The following OR2A2 variants were observed in gnomAD, a reference collection of about 807,000 sequenced individuals.
The protein encoded by OR2A2 is olfactory receptor 2A2.
For missense variants in OR2A2, 380 were observed against 384.8 expected (o/e 0.99, Z 0.10); for synonymous variants, 163 against 154.8 (o/e 1.05, Z -0.40).
rs1473150114 is a variant in OR2A2, at chr7:144,109,991, T to G, written c.409T>G (p.Trp137Gly). Residue 137 changes from tryptophan (W) to glycine (G), a missense_variant, in exon 1 of 1, where the codon TGG becomes GGG. By Grantham distance (184) the Trp-to-Gly change is radical (BLOSUM62 -2). Coordinates refer to ENST00000408979, the MANE Select transcript of OR2A2 (RefSeq NM_001005480.2). ...TTTCCAGTACACTGTCATCATGAGCTGGAGAGTGTGCACGATCCTGGTTCT... is the reference window on the plus strand; with the variant it reads ...TTTCCAGTACACTGTCATCATGAGCGGGAGAGTGTGCACGATCCTGGTTCT... ...HPFQYTVIMS[W>G]RVCTILVLTS... The G allele has an allele frequency of 6.2e-7, 1 of 1,613,952 alleles. No individual in the cohort carries two copies. Among genetic ancestry groups the G allele is most frequent in the African/African-American group, 1.3e-5 (1 of 74,926 alleles).
chr7:144,109,750 A>G lies in OR2A2; in HGVS notation c.168A>G (p.Thr56=). 1 of 1,613,932 alleles carries G rather than the reference A, an allele frequency of 6.2e-7. No homozygotes were observed. Among genetic ancestry groups the G allele is most frequent in the Non-Finnish European group, 8.5e-7 (1 of 1,179,928 alleles). The change falls in exon 1 of 1, where the codon ACA becomes ACG. Residue 56 remains threonine, a synonymous_variant. Transcript: ENST00000408979. ...GIICLDSKLH[T]PMYFFLSHLA... ...TCTGCCTGGACTCTAAGCTTCACAC[A>G]CCCATGTACTTCTTCCTCTCACACC...
In OR2A2 at chr7:144,110,182, T is replaced by C. The variant is rs1301140794; in HGVS notation, c.600T>C (p.Ala200=). 3 of 1,613,944 alleles carry C rather than the reference T, an allele frequency of 1.9e-6. No individual in the cohort carries two copies. The highest frequency in any genetic ancestry group is 2.5e-6 in the Non-Finnish European group (3 of 1,179,798). Residue 200 remains alanine, a synonymous_variant, in exon 1 of 1, where the codon GCT becomes GCC. Coordinates refer to ENST00000408979, the MANE Select transcript of OR2A2 (RefSeq NM_001005480.2). ...DTWVNQVVIF[A]TCVFVLVGPL... ...GGGTTAACCAAGTGGTCATATTTGC[T>C]ACCTGTGTGTTTGTCTTAGTCGGGC... is the stretch of plus-strand genomic sequence containing the variant.
Position 144,109,967 on chromosome 7 carries a change from T to C in OR2A2, c.385T>C (p.Phe129Leu), listed in dbSNP as rs184278314. 187 of 1,614,038 alleles carry C rather than the reference T, an allele frequency of 1.2e-4. No individual in the cohort carries two copies. The African/African-American group carries it at 2.3e-3, about 20-fold the overall frequency. Residue 129 changes from phenylalanine to leucine, a missense_variant, in exon 1 of 1, where the codon TTC becomes CTC. Phe to Leu is a conservative substitution (Grantham distance 22). Transcript: ENST00000408979. ...TAGGTATGTGGCCATCTGCCACCCTTTCCAGTACACTGTCATCATGAGCTG... is the reference window on the plus strand; with the variant it reads ...TAGGTATGTGGCCATCTGCCACCCTCTCCAGTACACTGTCATCATGAGCTG... ...YDRYVAICHP[F>L]QYTVIMSWRV...
In OR2A2 at chr7:144,110,092, C is replaced by T. The variant is rs2051357463; in HGVS notation, c.510C>T (p.Pro170=). 1.2e-6 allele frequency: 2 copies of T among 1,613,932 alleles called. No homozygotes were observed. The highest frequency in any genetic ancestry group is 8.5e-7 in the Non-Finnish European group (1 of 1,179,868). Residue 170 remains proline (P), a synonymous_variant, in exon 1 of 1, where the codon CCC becomes CCT. Transcript: ENST00000408979. ...TTCTAAGGTTGCCCTTCTGTGGGCC[C>T]CGGGATGTGAACCACCTCTTCTGTG... The part of the protein sequence containing the change: ...ILLLRLPFCG[P]RDVNHLFCEI...
rs2051352256 is a variant in OR2A2 at position 144,109,708 on chromosome 7, G to A, written c.126G>A (p.Gly42=). The A allele has an allele frequency of 1.2e-6, 2 of 1,613,786 alleles. No homozygotes were observed. The highest frequency in any genetic ancestry group is 3.3e-5 in the Admixed American group (2 of 59,976). ...VFYTLTLLGN[G]VIFGIICLDS... ...ATACACTCACCCTGCTGGGGAATGGGGTCATCTTTGGGATTATCTGCCTGG... is the reference window on the plus strand; with the variant it reads ...ATACACTCACCCTGCTGGGGAATGGAGTCATCTTTGGGATTATCTGCCTGG... The change falls in exon 1 of 1, where the codon GGG becomes GGA. Residue 42 remains glycine (G), a synonymous_variant. Coordinates refer to ENST00000408979, the MANE Select transcript of OR2A2 (RefSeq NM_001005480.2).
rs2051358076 is a variant in OR2A2, at chr7:144,110,107, C to A, written c.525C>A (p.His175Gln). 6.2e-7 allele frequency: 1 copy of A among 1,613,972 alleles called. No homozygotes were observed. Residue 175 changes from histidine to glutamine, a missense_variant, in exon 1 of 1, where the codon CAC (histidine) becomes CAA (glutamine). Coordinates refer to ENST00000408979, the MANE Select transcript of OR2A2 (RefSeq NM_001005480.2). ...TCTGTGGGCCCCGGGATGTGAACCA[C>A]CTCTTCTGTGAAATTCTGTCTGTCC... is the stretch of plus-strand genomic sequence containing the variant. ...LPFCGPRDVN[H>Q]LFCEILSVLK...
chr7:144,109,719 G>T lies in OR2A2; in HGVS notation c.137G>T (p.Gly46Val), dbSNP rs373159634. ...CTGCTGGGGAATGGGGTCATCTTTG[G>T]GATTATCTGCCTGGACTCTAAGCTT... is the stretch of plus-strand genomic sequence containing the variant. ...LTLLGNGVIF[G>V]IICLDSKLHT... Residue 46 changes from glycine (G) to valine (V), a missense_variant, in exon 1 of 1, where the codon GGG becomes GTG. By Grantham distance (109) the Gly-to-Val change is moderately radical (BLOSUM62 -3). Coordinates refer to ENST00000408979, the MANE Select transcript of OR2A2 (RefSeq NM_001005480.2). 6.2e-7 allele frequency: 1 copy of T among 1,613,546 alleles called. No individual in the cohort carries two copies. The highest frequency in any genetic ancestry group is 1.3e-5 in the African/African-American group (1 of 74,818).
In OR2A2 at chr7:144,109,642, A is replaced by G; in HGVS notation, c.60A>G (p.Pro20=). ...CCCTGCTGGGATTCCAGGTTGGTCC[A>G]GCACTGGCGATTCTCCTCTGTGGAC... The part of the protein sequence containing the change: ...DITLLGFQVG[P]ALAILLCGLF... The change falls in exon 1 of 1, where the codon CCA becomes CCG. Residue 20 remains proline (P), a synonymous_variant. Coordinates refer to ENST00000408979, the MANE Select transcript of OR2A2 (RefSeq NM_001005480.2). 1 of 1,613,954 alleles carries G rather than the reference A, an allele frequency of 6.2e-7. No individual in the cohort carries two copies. The highest frequency in any genetic ancestry group is 1.7e-5 in the Admixed American group (1 of 60,000).
Position 144,109,924 on chromosome 7 carries a change from G to A in OR2A2, c.342G>A (p.Leu114=). ...TTGCTGTTACAGAGTGCCTGATTTT[G>A]GTGGTGATGTCCTATGATAGGTATG... The part of the protein sequence containing the change: ...LAFAVTECLI[L]VVMSYDRYVA... The change falls in exon 1 of 1, where the codon TTG becomes TTA. Residue 114 remains leucine (L), a synonymous_variant. Transcript: ENST00000408979. The A allele has an allele frequency of 6.2e-7, 1 of 1,613,954 alleles. No homozygotes were observed. Among genetic ancestry groups the A allele is most frequent in the Non-Finnish European group, 8.5e-7 (1 of 1,179,898 alleles).
rs1173133864 is a variant in OR2A2 at position 144,110,382 on chromosome 7, A to G, written c.800A>G (p.Glu267Gly). ...VYMVPDSNQR[E>G]EQEKMLSLFH... ...ATGGTCCCAGACTCTAATCAACGAG[A>G]GGAGCAGGAGAAAATGCTGTCCCTG... The change falls in exon 1 of 1, where the codon GAG becomes GGG. Residue 267 changes from glutamate (E) to glycine (G), a missense_variant. By Grantham distance (98) the Glu-to-Gly change is moderately conservative (BLOSUM62 -2). Transcript: ENST00000408979. The G allele has an allele frequency of 6.2e-7, 1 of 1,613,946 alleles. No individual in the cohort carries two copies. The highest frequency in any genetic ancestry group is 8.5e-7 in the Non-Finnish European group (1 of 1,179,944).
In OR2A2 at chr7:144,110,468, T is replaced by C. The variant is rs770883331; in HGVS notation, c.886T>C (p.Leu296=). ...GATCTACAGCCTGAGGAATGCTCAG[T>C]TGAAGGGCGCCCTCCACAGAGCACT... ...PLIYSLRNAQ[L]KGALHRALQR... is the part of the protein sequence containing the mutation. The change falls in exon 1 of 1, where the codon TTG becomes CTG. Residue 296 remains leucine, a synonymous_variant. Coordinates refer to ENST00000408979, the MANE Select transcript of OR2A2 (RefSeq NM_001005480.2). 2 of 1,613,924 alleles carry C rather than the reference T, an allele frequency of 1.2e-6. No individual in the cohort carries two copies. Among genetic ancestry groups the C allele is most frequent in the East Asian group, 2.2e-5 (1 of 44,870 alleles).
In OR2A2 at chr7:144,110,479, C is replaced by G; in HGVS notation, c.897C>G (p.Ala299=). ...TGAGGAATGCTCAGTTGAAGGGCGC[C>G]CTCCACAGAGCACTCCAGAGGAAGA... ...YSLRNAQLKG[A]LHRALQRKRS... is the part of the protein sequence containing the mutation. Residue 299 remains alanine, a synonymous_variant, in exon 1 of 1, where the codon GCC becomes GCG. Transcript: ENST00000408979. The G allele has an allele frequency of 6.2e-7, 1 of 1,613,950 alleles. No homozygotes were observed. Among genetic ancestry groups the G allele is most frequent in the Non-Finnish European group, 8.5e-7 (1 of 1,179,878 alleles).
Position 144,109,673 on chromosome 7 carries a change from T to C in OR2A2, c.91T>C (p.Ser31Pro), listed in dbSNP as rs373054084. The C allele has an allele frequency of 1.9e-6, 3 of 1,613,830 alleles. No individual in the cohort carries two copies. In the African/African-American group the frequency reaches 4.0e-5, roughly 22 times the overall value. The change falls in exon 1 of 1, where the codon TCT becomes CCT. Residue 31 changes from serine (S) to proline (P), a missense_variant. Coordinates refer to ENST00000408979, the MANE Select transcript of OR2A2 (RefSeq NM_001005480.2). ...ALAILLCGLF[S>P]VFYTLTLLGN... Reference sequence around the variant, plus strand: ...GGCGATTCTCCTCTGTGGACTCTTCTCTGTCTTCTATACACTCACCCTGCT... The same window carrying C: ...GGCGATTCTCCTCTGTGGACTCTTCCCTGTCTTCTATACACTCACCCTGCT...
In OR2A2 at chr7:144,110,505, G is replaced by C. The variant is rs373368636; in HGVS notation, c.923G>C (p.Arg308Thr). ...CTCCACAGAGCACTCCAGAGGAAGAGGTCCATGAGAACGGTGTATGGGCTT... is the reference window on the plus strand; with the variant it reads ...CTCCACAGAGCACTCCAGAGGAAGACGTCCATGAGAACGGTGTATGGGCTT... ...GALHRALQRK[R>T]SMRTVYGLCL is the part of the protein sequence containing the mutation. The change falls in exon 1 of 1, where the codon AGG becomes ACG. Residue 308 changes from arginine (R) to threonine (T), a missense_variant. Transcript: ENST00000408979. The C allele has an allele frequency of 6.2e-7, 1 of 1,612,462 alleles. No homozygotes were observed. The highest frequency in any genetic ancestry group is 2.2e-5 in the East Asian group (1 of 44,854).
rs202201805 is a variant in OR2A2, at chr7:144,109,984, C to T, written c.402C>T (p.Ile134=). Residue 134 remains isoleucine (I), a synonymous_variant, in exon 1 of 1, where the codon ATC becomes ATT. Transcript: ENST00000408979. ...AICHPFQYTV[I]MSWRVCTILV... is the part of the protein sequence containing the mutation. ...GCCACCCTTTCCAGTACACTGTCAT[C>T]ATGAGCTGGAGAGTGTGCACGATCC... The T allele has an allele frequency of 1.9e-6, 3 of 1,613,958 alleles. No individual in the cohort carries two copies. The East Asian group carries it at 6.7e-5, about 36-fold the overall frequency.
In OR2A2 at chr7:144,110,083, C is replaced by A. The variant is rs1260682492; in HGVS notation, c.501C>A (p.Phe167Leu). 3 of 1,613,854 alleles carry A rather than the reference C, an allele frequency of 1.9e-6. No homozygotes were observed. The highest frequency in any genetic ancestry group is 2.5e-6 in the Non-Finnish European group (3 of 1,179,890). Residue 167 changes from phenylalanine to leucine, a missense_variant, in exon 1 of 1, where the codon TTC becomes TTA. By Grantham distance (22) the Phe-to-Leu change is conservative. Coordinates refer to ENST00000408979, the MANE Select transcript of OR2A2 (RefSeq NM_001005480.2). ...AAATTCTCCTTCTAAGGTTGCCCTT[C>A]TGTGGGCCCCGGGATGTGAACCACC... Reference protein sequence around the residue: ...VHEILLLRLPFCGPRDVNHLF... With the variant: ...VHEILLLRLPLCGPRDVNHLF...
At position 144,109,831 on chromosome 7, in the gene OR2A2, C is replaced by T. The variant is rs2684427; in HGVS notation, c.249C>T (p.Asn83=). 9.9e-5 allele frequency: 159 copies of T among 1,613,844 alleles called. 2 individuals are homozygous for T. The highest frequency in any genetic ancestry group is 3.6e-4 in the South Asian group (33 of 91,076). ...ACAATGTTCCCAAGATGTTGGCAAA[C>T]CTAATGAACCAGAAAAGAACCATCT... ...ASNNVPKMLA[N]LMNQKRTISF... The change falls in exon 1 of 1, where the codon AAC becomes AAT. Residue 83 remains asparagine, a synonymous_variant. Coordinates refer to ENST00000408979, the MANE Select transcript of OR2A2 (RefSeq NM_001005480.2).
chr7:144,109,699 G>A lies in OR2A2; in HGVS notation c.117G>A (p.Leu39=), dbSNP rs2051352119. 5 of 1,613,926 alleles carry A rather than the reference G, an allele frequency of 3.1e-6. No homozygotes were observed. Among genetic ancestry groups the A allele is most frequent in the Non-Finnish European group, 4.2e-6 (5 of 1,179,906 alleles). The change falls in exon 1 of 1, where the codon CTG becomes CTA. Residue 39 remains leucine (L), a synonymous_variant. Transcript: ENST00000408979. ...CTGTCTTCTATACACTCACCCTGCT[G>A]GGGAATGGGGTCATCTTTGGGATTA... ...LFSVFYTLTL[L]GNGVIFGIIC... is the part of the protein sequence containing the mutation.
Position 144,109,900 on chromosome 7 carries a change from T to C in OR2A2, c.318T>C (p.Phe106=). Residue 106 remains phenylalanine (F), a synonymous_variant, in exon 1 of 1, where the codon TTT becomes TTC. Coordinates refer to ENST00000408979, the MANE Select transcript of OR2A2 (RefSeq NM_001005480.2). ...CIMQTFLYLA[F]AVTECLILVV... is the part of the protein sequence containing the mutation. The stretch of plus-strand genomic sequence containing the variant: ...TGCAGACTTTTTTGTATTTGGCTTT[T>C]GCTGTTACAGAGTGCCTGATTTTGG... The C allele has an allele frequency of 6.2e-7, 1 of 1,614,168 alleles. No homozygotes were observed. The highest frequency in any genetic ancestry group is 1.1e-5 in the South Asian group (1 of 91,082).
Sources: gnomAD v4.1 joint callset for allele counts on GRCh38, gnomAD v4.1.1 for gene constraint, MANE v1.5 for transcripts, NCBI Gene and HGNC (gene_info 2026-07-23, HGNC 2026-07-21) for gene names.